The following CDH12 variants were observed in gnomAD, a reference collection of about 807,000 sequenced individuals.
CDH12 encodes cadherin-12.
A neutral mutation model predicts 74.1 loss-of-function variants in CDH12; 41 were observed. That is an observed-to-expected ratio of 0.55 (90% confidence interval 0.43 to 0.72). CDH12 has a LOEUF of 0.72. Among genes scored for constraint, CDH12 ranks in the 30% least tolerant of loss-of-function variants. The probability of loss-of-function intolerance (pLI) is 0.00; values close to 1 mark genes in which losing one functional copy is unlikely to be tolerated. For synonymous variants in CDH12, 399 were observed against 355.0 expected, an observed-to-expected ratio of 1.12 and a Z score of -1.39; for missense variants, 945 against 977.2, an observed-to-expected ratio of 0.97 and a Z score of 0.44.
chr5:22,153,453 C>T (rs1287693155), intron 4 of CDH12, among the ~76,000 whole-genome samples: 3 of 151,684 alleles, frequency 2.0e-5, no homozygotes, highest in Non-Finnish European at 4.4e-5. Flanking sequence ...GAATGGGTCA[C>T]CCATGCTCTG....
chr5:21,778,153 G>C (rs947073389), intron 11 of CDH12, among the ~76,000 whole-genome samples: 4 of 151,944 alleles, frequency 2.6e-5, no homozygotes, highest in Non-Finnish European at 5.9e-5. Flanking sequence ...TGAAATTGTT[G>C]TCAGTCTCAT....
intron 2 of CDH12, among the ~76,000 whole-genome samples, chr5:22,433,391 C>T (rs1744251792): frequency 1.3e-5 from 2 of 151,972 alleles, no homozygotes; most frequent in Non-Finnish European, 2.9e-5. Context: ...CTAAAAAAAT[C>T]ACAATATTTT....
chr5:21,915,790 G>A (rs1410247609), intron 6 of CDH12, among the ~76,000 whole-genome samples: 5 of 150,562 alleles, frequency 3.3e-5, no homozygotes, highest in Non-Finnish European at 7.4e-5. Context: ...CATCCGCTAA[G>A]CCTTGGGTAC....
At chr5:22,119,161 G>C (rs566883810) in intron 4 of CDH12, among the ~76,000 whole-genome samples, 3 of 152,018 alleles carry the variant, frequency 2.0e-5, no homozygotes, top group Admixed American at 1.3e-4. Context: ...ACTAAACCTT[G>C]CTCAGTTTAA....
At chr5:21,754,632 CG>C (rs1744282356) in intron 14 of CDH12, among the ~76,000 whole-genome samples, 1 of 152,132 alleles carries the variant, frequency 6.6e-6, no homozygotes. Context: ...TACCATATAA[CG>C]CGTTACTCCG....
At chr5:22,787,804 G>A (rs1222104652) in intron 1 of CDH12, among the ~76,000 whole-genome samples, 2 of 152,118 alleles carry the variant, frequency 1.3e-5, no homozygotes, top group African/African-American at 4.8e-5. Flanking sequence ...CTGGTTTCCA[G>A]AGTCATCAGT....
At chr5:21,942,349 C>T (rs973451984) in intron 6 of CDH12, among the ~76,000 whole-genome samples, 19,089 of 39,556 alleles carry the variant, frequency 0.48, 2,786 homozygotes, top group African/African-American at 0.62. Context: ...TATATATATA[C>T]ACACACACAC....
chr5:22,044,926 A>G (rs1201670515), intron 5 of CDH12, among the ~76,000 whole-genome samples: 4 of 152,224 alleles, frequency 2.6e-5, no homozygotes, highest in African/African-American at 9.6e-5. Flanking sequence ...ACAGGCAACA[A>G]AAGCAAAAAT....
chr5:22,144,814 T>C (rs965169037), intron 4 of CDH12, among the ~76,000 whole-genome samples: 3 of 152,112 alleles, frequency 2.0e-5, no homozygotes, highest in Admixed American at 2.0e-4. Flanking sequence ...ACCGTATGTA[T>C]TGAATATTAA....
intron 3 of CDH12, among the ~76,000 whole-genome samples, chr5:22,296,162 A>T (rs192958307): frequency 6.1e-4 from 93 of 152,064 alleles, no homozygotes; most frequent in African/African-American, 2.2e-3. Context: ...AAATTATAAT[A>T]TATATTTATT....
chr5:21,914,799 C>A (rs1260432098), intron 6 of CDH12, among the ~76,000 whole-genome samples: 1 of 152,158 alleles, frequency 6.6e-6, no homozygotes, highest in Admixed American at 6.6e-5. Context: ...CACAGTAACA[C>A]CTCAATTAGT....
At chr5:22,815,662 C>T (rs1328808480) in intron 1 of CDH12, among the ~76,000 whole-genome samples, 1 of 149,684 alleles carries the variant, frequency 6.7e-6, no homozygotes, top group African/African-American at 2.5e-5. Flanking sequence ...CCATGCTACT[C>T]AGGAGACTGA....
chr5:22,437,655 C>T (rs1356332869), intron 2 of CDH12, among the ~76,000 whole-genome samples: 2 of 151,510 alleles, frequency 1.3e-5, no homozygotes, highest in African/African-American at 2.4e-5. Flanking sequence ...TAATGTGGGG[C>T]TTTTAAAATT....
intron 4 of CDH12, among the ~76,000 whole-genome samples, chr5:22,168,512 T>A (rs1057449031): frequency 7.2e-5 from 11 of 152,100 alleles, no homozygotes; most frequent in African/African-American, 2.7e-4. Context: ...TTGTTTACTA[T>A]GCATTAGAGT....
intron 4 of CDH12, among the ~76,000 whole-genome samples, chr5:22,171,823 T>C (rs1421559506): frequency 6.6e-6 from 1 of 151,910 alleles, no homozygotes; most frequent in Non-Finnish European, 1.5e-5. Flanking sequence ...AAGTGTTTGG[T>C]TATATATCAC....
intron 6 of CDH12, among the ~76,000 whole-genome samples, chr5:21,866,583 G>A (rs1445777836): frequency 1.3e-5 from 2 of 152,132 alleles, no homozygotes; most frequent in Non-Finnish European, 2.9e-5. Context: ...AGGGTACTTG[G>A]TGGAAGAAAT....
At chr5:21,859,641 C>G (rs1282121028) in intron 6 of CDH12, among the ~76,000 whole-genome samples, 1 of 151,964 alleles carries the variant, frequency 6.6e-6, no homozygotes, top group African/African-American at 2.4e-5. Context: ...ACATTACATT[C>G]TGCTGGCCTA....
At chr5:22,519,511 C>A (rs1366964014) in intron 1 of CDH12, among the ~76,000 whole-genome samples, 1 of 151,376 alleles carries the variant, frequency 6.6e-6, no homozygotes, top group African/African-American at 2.4e-5. Context: ...GCAAACTCCA[C>A]CTCCTGGGTT....
At chr5:22,276,625 T>C (rs562263518) in intron 3 of CDH12, among the ~76,000 whole-genome samples, 22 of 152,200 alleles carry the variant, frequency 1.4e-4, no homozygotes, top group Non-Finnish European at 3.2e-4. Context: ...AAAATAATAG[T>C]TATGTTTATT....
Sources: allele counts gnomAD v4.1 joint callset (sites outside exome capture counted in the v4.1 genomes callset), GRCh38; gene constraint gnomAD v4.1.1; transcripts MANE v1.5; gene names NCBI Gene and HGNC (gene_info 2026-07-23, HGNC 2026-07-21).